The following SLC39A9 variants were observed in gnomAD, a reference collection of about 807,000 sequenced individuals.
The protein encoded by SLC39A9 is zinc transporter ZIP9.
Under a neutral mutation model 28.4 loss-of-function variants are expected in SLC39A9, and 14 were observed. The ratio of observed to expected loss-of-function variants is 0.49; its 90% CI spans 0.33 to 0.77. SLC39A9 has a LOEUF of 0.77. SLC39A9 is among the 30% of genes least tolerant of loss of function. SLC39A9 has a pLI of 0.02. For synonymous variants in SLC39A9, 119 were observed against 149.6 expected (o/e 0.80, Z 1.49); for missense variants, 283 against 381.1 (o/e 0.74, Z 2.14).
chr14:69,447,538 C>G (rs1449444773), intron 3 of SLC39A9, among the ~76,000 whole-genome samples: 1 of 152,172 alleles, frequency 6.6e-6, no homozygotes, highest in African/African-American at 2.4e-5. Context: ...GCCCCAAATT[C>G]TGTATATGAA....
chr14:69,434,660 C>A (rs1419814611), intron 2 of SLC39A9, among the ~76,000 whole-genome samples: 1 of 152,054 alleles, frequency 6.6e-6, no homozygotes, highest in Non-Finnish European at 1.5e-5. Flanking sequence ...GGTGAAAGAA[C>A]AAGACCCTCC....
Position 69,460,451 on chromosome 14 carries a change from G to T in SLC39A9, c.*1858G>T. The T allele has an allele frequency of 1.0e-6, 1 of 985,430 alleles. No individual in the cohort carries two copies. Among genetic ancestry groups the T allele is most frequent in the Non-Finnish European group, 1.2e-6 (1 of 829,916 alleles). 61.0% of individuals were successfully genotyped at this position (985,430 alleles called of 1,614,324 possible). A position where few individuals can be genotyped will look rare whatever the true frequency, so the allele number is the denominator to read the frequency against. On this transcript the variant is annotated 3_prime_UTR_variant, in exon 7 of 7. Transcript: ENST00000336643. ...CTTGATTGGATGTTAACAGCTGACT[G>T]GTGTGAGACTTGAGGTTTCATCTAG...
intron 6 of SLC39A9, among the ~76,000 whole-genome samples, chr14:69,457,750 A>C (rs1566927561): frequency 6.6e-6 from 1 of 152,216 alleles, no homozygotes; most frequent in Non-Finnish European, 1.5e-5. Context: ...AACCAGGAGC[A>C]GTGGCGCATA....
At position 69,459,370 on chromosome 14, in the gene SLC39A9, A is replaced by G. The variant is rs1594957540; in HGVS notation, c.*777A>G. 3 of 985,374 alleles carry G rather than the reference A, an allele frequency of 3.0e-6. No individual in the cohort carries two copies. Among genetic ancestry groups the G allele is most frequent in the African/African-American group, 3.5e-5 (2 of 57,328 alleles). The allele number at this position is 985,374 out of a possible 1,614,324, so 61.0% of individuals were successfully genotyped here. A position where few individuals can be genotyped will look rare whatever the true frequency, so the allele number is the denominator to read the frequency against. ...TCCTTTGCAGAATACCTGTCTCCAC[A>G]TTCCTAGAGAGGAGCCAAGTTCTAG... is the stretch of plus-strand genomic sequence containing the variant. On this transcript the variant is annotated 3_prime_UTR_variant, in exon 7 of 7. Transcript: ENST00000336643.
chr14:69,437,766 T>C (rs72625683), intron 2 of SLC39A9, among the ~76,000 whole-genome samples: 6,035 of 151,934 alleles, frequency 0.04, 154 homozygotes, highest in East Asian at 0.083. Context: ...TTTTTGTATT[T>C]TTAATAGAGA....
Position 69,401,489 on chromosome 14 carries a change from T to C in SLC39A9, c.96+2024T>C, listed in dbSNP as rs374179045. On this transcript the variant is annotated intron_variant, in intron 1 of 6. Transcript: ENST00000336643. Reference sequence around the variant, plus strand: ...TTGAAGTAACATTTATGAATAATCATAATTAATTCTGATAAGCAACCAGTA... The same window carrying C: ...TTGAAGTAACATTTATGAATAATCACAATTAATTCTGATAAGCAACCAGTA... Among the ~76,000 whole-genome samples, 7 of 152,290 alleles carry C rather than the reference T, an allele frequency of 4.6e-5. No homozygotes were observed. In the East Asian group the frequency reaches 7.7e-4, roughly 17 times the overall value.
chr14:69,409,145 GAAAAT>G (rs1226245074), intron 1 of SLC39A9, among the ~76,000 whole-genome samples: 1 of 152,078 alleles, frequency 6.6e-6, no homozygotes, highest in African/African-American at 2.4e-5. Context: ...CGTATAAAAG[GAAAAT>G]AAAATTATCT....
At chr14:69,417,338 GT>G (rs1883631026) in intron 1 of SLC39A9, among the ~76,000 whole-genome samples, 1 of 152,164 alleles carries the variant, frequency 6.6e-6, no homozygotes, top group Non-Finnish European at 1.5e-5. Flanking sequence ...CTATCTTTCT[GT>G]TTTGGTACCA....
chr14:69,437,739 C>T (rs1336486901), intron 2 of SLC39A9, among the ~76,000 whole-genome samples: 3 of 151,878 alleles, frequency 2.0e-5, no homozygotes, highest in Non-Finnish European at 4.4e-5. Context: ...TAGGTGCCTG[C>T]CATCATGCCC....
intron 1 of SLC39A9, among the ~76,000 whole-genome samples, chr14:69,403,232 G>GT (rs1882734890): frequency 6.6e-6 from 1 of 152,206 alleles, no homozygotes. Flanking sequence ...TTGCTAATGA[G>GT]TAGTTTTCTT....
At chr14:69,400,076 A>AT (rs1882546453) in intron 1 of SLC39A9, among the ~76,000 whole-genome samples, 1 of 152,234 alleles carries the variant, frequency 6.6e-6, no homozygotes, top group Non-Finnish European at 1.5e-5. Context: ...AAGAAAAAAA[A>AT]AGAAATGGAG....
rs371711299 is a variant in SLC39A9, at chr14:69,453,959, A to G, written c.472+650A>G. On this transcript the variant is annotated intron_variant, in intron 4 of 6. Transcript: ENST00000336643. ...TCTTGGCTCTAGAATGTCATCTGGAAAAGAGCCTTGGCGCTTCTGTCCTGA... is the reference window on the plus strand; with the variant it reads ...TCTTGGCTCTAGAATGTCATCTGGAGAAGAGCCTTGGCGCTTCTGTCCTGA... Among the ~76,000 whole-genome samples the G allele has an allele frequency of 2.6e-5, 4 of 152,240 alleles. No individual in the cohort carries two copies. In the East Asian group the frequency reaches 7.7e-4, roughly 29 times the overall value.
chr14:69,447,387 T>A (rs1885380248), intron 3 of SLC39A9, among the ~76,000 whole-genome samples: 1 of 152,168 alleles, frequency 6.6e-6, no homozygotes, highest in Non-Finnish European at 1.5e-5. Flanking sequence ...CTGCTTTCAG[T>A]AGTCAGCCCC....
chr14:69,399,543 C>G lies in SLC39A9; in HGVS notation c.96+78C>G, dbSNP rs1293974479. On this transcript the variant is annotated intron_variant, in intron 1 of 6. Coordinates refer to ENST00000336643, the MANE Select transcript of SLC39A9 (RefSeq NM_018375.5). Reference sequence around the variant, plus strand: ...TTTTAGTTGCAAAGGGAAGCTGCTTCCCTAGTTAAATCTCAAAGCTGAAGG... The same window carrying G: ...TTTTAGTTGCAAAGGGAAGCTGCTTGCCTAGTTAAATCTCAAAGCTGAAGG... 11 of 1,136,670 alleles carry G rather than the reference C, an allele frequency of 9.7e-6. No homozygotes were observed. In the East Asian group the frequency reaches 2.4e-4, roughly 25 times the overall value. 70.4% of individuals were successfully genotyped at this position (1,136,670 alleles called of 1,614,324 possible).
intron 3 of SLC39A9, among the ~76,000 whole-genome samples, chr14:69,450,510 C>T (rs780756992): frequency 2.0e-5 from 3 of 152,234 alleles, no homozygotes; most frequent in Non-Finnish European, 4.4e-5. Flanking sequence ...CACAATGGTG[C>T]ACGCCTGTAA....
At chr14:69,442,328 G>A (rs1249314817) in intron 3 of SLC39A9, 62 bp downstream of exon 3, 34 of 1,490,792 alleles carry the variant, frequency 2.3e-5, no homozygotes, top group Non-Finnish European at 2.8e-5. Flanking sequence ...AGTTACAAAC[G>A]ATCAAATATT....
Position 69,398,802 on chromosome 14 carries a change from T to C in SLC39A9, c.-568T>C, listed in dbSNP as rs1023850237. 4.3e-5 allele frequency: 8 copies of C among 186,708 alleles called. 1 individual carries two copies. The highest frequency in any genetic ancestry group is 7.9e-5 in the Non-Finnish European group (7 of 89,066). 11.6% of individuals were successfully genotyped at this position (186,708 alleles called of 1,614,324 possible). On this transcript the variant is annotated 5_prime_UTR_variant, in exon 1 of 7. Transcript: ENST00000336643. ...ACCGGGTATAGGGCAGAGACAGCTTTGTGTCAACTTTGCTGCTGAACCCCT... is the reference window on the plus strand; with the variant it reads ...ACCGGGTATAGGGCAGAGACAGCTTCGTGTCAACTTTGCTGCTGAACCCCT...
At chr14:69,433,047 T>C (rs1158981825) in intron 2 of SLC39A9, among the ~76,000 whole-genome samples, 1 of 152,208 alleles carries the variant, frequency 6.6e-6, no homozygotes, top group Non-Finnish European at 1.5e-5. Flanking sequence ...AATTTTAGAA[T>C]AGTTTTTTTT....
At chr14:69,419,225 A>C (rs1883748664) in intron 1 of SLC39A9, among the ~76,000 whole-genome samples, 1 of 152,226 alleles carries the variant, frequency 6.6e-6, no homozygotes, top group African/African-American at 2.4e-5. Flanking sequence ...GGTTTCAAAG[A>C]ACATCTTTAT....
Sources: gnomAD v4.1 joint callset for allele counts (sites outside exome capture counted in the v4.1 genomes callset) on GRCh38, gnomAD v4.1.1 for gene constraint, MANE v1.5 for transcripts, NCBI Gene and HGNC (gene_info 2026-07-23, HGNC 2026-07-21) for gene names.